The following PDLIM2 variants were observed in gnomAD, a reference collection of about 807,000 sequenced individuals.
PDLIM2 encodes PDZ and LIM domain protein 2.
Under a neutral mutation model 54.1 loss-of-function variants are expected in PDLIM2, and 51 were observed. That is an observed-to-expected ratio of 0.94 (90% CI 0.75 to 1.19). PDLIM2 has a LOEUF of 1.19. Among genes scored for constraint, PDLIM2 ranks in the 50% most tolerant of loss-of-function variants. The probability of loss-of-function intolerance (pLI) is 0.00; values close to 1 mark genes in which losing one functional copy is unlikely to be tolerated. For synonymous variants in PDLIM2, 398 were observed against 385.6 expected (o/e 1.03, Z -0.38); for missense variants, 912 against 874.0 (o/e 1.04, Z -0.55).
chr8:22,593,408 T>A (rs1800607294), intron 9 of PDLIM2: 2 of 267,394 alleles, frequency 7.5e-6, no homozygotes, highest in Admixed American at 9.9e-5. Flanking sequence ...AAAACCCGTC[T>A]CTACTAAAAA....
chr8:22,593,608 A>G, intron 9 of PDLIM2, 125 bp from the exon 9 acceptor site: 1 of 535,210 alleles, frequency 1.9e-6, no homozygotes, highest in Non-Finnish European at 3.1e-6. Context: ...AAAAAAGTCT[A>G]GTCTCTGAGA....
intron 8 of PDLIM2, chr8:22,590,955 A>T (rs1258896089): frequency 6.3e-6 from 1 of 157,612 alleles, no homozygotes; most frequent in East Asian, 1.9e-4. Flanking sequence ...GCTGATGTTT[A>T]GCTCCAAGGG....
At chr8:22,589,996 C>T (rs1800496766) in intron 8 of PDLIM2, 5 of 507,570 alleles carry the variant, frequency 9.9e-6, no homozygotes, top group South Asian at 5.1e-5. Context: ...AAGTGTCATT[C>T]GAGTGATAAA....
intron 6 of PDLIM2, among the ~76,000 whole-genome samples, chr8:22,586,623 T>A (rs1213162498): frequency 6.6e-6 from 1 of 152,054 alleles, no homozygotes; most frequent in East Asian, 1.9e-4. Flanking sequence ...GAACCTTTGT[T>A]CTGAGATGAG....
At chr8:22,594,076 C>T in exon 10 of PDLIM2, 4 of 1,434,580 alleles carry the variant, frequency 2.8e-6, no homozygotes, top group Non-Finnish European at 3.6e-6. Context: ...CTGTCTTGGA[C>T]TGTGGGAGAC....
Position 22,588,991 on chromosome 8 carries a change from G to T in PDLIM2, c.1291-307G>T, listed in dbSNP as rs555680233. 23 of 534,804 alleles carry T rather than the reference G, an allele frequency of 4.3e-5. No homozygotes were observed. The South Asian group carries it at 4.6e-4, about 11-fold the overall frequency. The allele number at this position is 534,804 out of a possible 1,614,324, so 33.1% of individuals were successfully genotyped here. A position where few individuals can be genotyped will look rare whatever the true frequency, so the allele number is the denominator to read the frequency against. On this transcript the variant is annotated intron_variant, in intron 6 of 9. Coordinates refer to ENST00000308354, the Ensembl canonical transcript of PDLIM2. ...AATAGCGTGCGTGACAGAGGACTCT[G>T]TGCTTAGCTGTCACCTGCTGCCTTC...
At chr8:22,579,669 C>T in intron 1 of PDLIM2, 2 of 1,039,880 alleles carry the variant, frequency 1.9e-6, no homozygotes, top group Non-Finnish European at 2.6e-6. Context: ...GATAGATTCT[C>T]GCAGCACTTG....
exon 8 of PDLIM2, chr8:22,589,627 G>T: frequency 1.9e-6 from 3 of 1,599,442 alleles, no homozygotes; most frequent in Non-Finnish European, 2.6e-6. Context: ...CCTCCTCCTG[G>T]ACGAGGACTC....
chr8:22,585,250 G>C lies in PDLIM2; in HGVS notation c.1212-71G>C, dbSNP rs1199539569. On this transcript the variant is annotated intron_variant, in intron 5 of 9. Coordinates refer to ENST00000308354, the Ensembl canonical transcript of PDLIM2. Reference sequence around the variant, plus strand: ...TGAGTCTCAGGAGCTCTGCTTGGGAGCCCGGGGCAGCATCCTCCCTGGGCA... The same window carrying C: ...TGAGTCTCAGGAGCTCTGCTTGGGACCCCGGGGCAGCATCCTCCCTGGGCA... The C allele has an allele frequency of 4.4e-6, 7 of 1,601,156 alleles. No individual in the cohort carries two copies. In the African/African-American group the frequency reaches 6.7e-5, roughly 15 times the overall value.
intron 2 of PDLIM2, 110 bp downstream of exon 1, chr8:22,580,807 C>A: frequency 8.5e-7 from 1 of 1,174,820 alleles, no homozygotes. Context: ...AGCTAGGGAT[C>A]TGCTGCTGCC....
At chr8:22,589,436 G>T in intron 7 of PDLIM2, 62 bp downstream of exon 6, 1 of 1,530,084 alleles carries the variant, frequency 6.5e-7, no homozygotes. Flanking sequence ...GCAGGAGGGA[G>T]ACGGGCTTCC....
downstream of PDLIM2, chr8:22,594,756 T>G: frequency 1.4e-6 from 2 of 1,460,408 alleles, no homozygotes; most frequent in South Asian, 1.4e-5. Context: ...ACTGCTGGCT[T>G]CATTGGTGAT....
chr8:22,584,681 A>T (rs1800319496), intron 3 of PDLIM2, 140 bp from the exon 3 acceptor site: 3 of 705,464 alleles, frequency 4.3e-6, no homozygotes, highest in South Asian at 1.8e-5. Context: ...TGACAAAGTT[A>T]AAAGTTGACA....
intron 9 of PDLIM2, 89 bp from the exon 9 acceptor site, chr8:22,593,644 G>C: frequency 8.9e-7 from 1 of 1,124,312 alleles, no homozygotes; most frequent in South Asian, 1.5e-5. Flanking sequence ...CCCAGGTCCT[G>C]ATGCTACAGT....
chr8:22,589,185 G>A (rs1163429329), intron 6 of PDLIM2, 113 bp from the exon 6 acceptor site: 5 of 1,103,364 alleles, frequency 4.5e-6, no homozygotes, highest in Non-Finnish European at 6.6e-6. Context: ...GCTGGTCGGC[G>A]AGGGCCGGGG....
intron 3 of PDLIM2, 131 bp from the exon 3 acceptor site, chr8:22,584,690 C>T: frequency 1.3e-6 from 1 of 762,368 alleles, no homozygotes; most frequent in Non-Finnish European, 2.2e-6. Context: ...TAAAAGTTGA[C>T]AACCGGATGT....
chr8:22,593,681 G>A, intron 9 of PDLIM2, 52 bp from the exon 9 acceptor site: 1 of 1,504,358 alleles, frequency 6.6e-7, no homozygotes, highest in Non-Finnish European at 9.0e-7. Flanking sequence ...GGGCATGGTG[G>A]CCTCCTGCTT....
Position 22,589,582 on chromosome 8 carries a change from C to T in PDLIM2, c.1368-14C>T. On this transcript the variant is annotated splice_polypyrimidine_tract_variant and intron_variant, in intron 7 of 9. Coordinates refer to ENST00000308354, the Ensembl canonical transcript of PDLIM2. Reference sequence around the variant, plus strand: ...GCACGGGACCCTCATTCCTGGCTGCCTCCCACCCTGCAGCATGGACTCGGA... The same window carrying T: ...GCACGGGACCCTCATTCCTGGCTGCTTCCCACCCTGCAGCATGGACTCGGA... 1 of 1,599,838 alleles carries T rather than the reference C, an allele frequency of 6.3e-7. No homozygotes were observed. Among genetic ancestry groups the T allele is most frequent in the Non-Finnish European group, 8.5e-7 (1 of 1,173,782 alleles).
intron 6 of PDLIM2, 99 bp downstream of exon 5, chr8:22,585,498 G>A: frequency 8.5e-7 from 1 of 1,180,842 alleles, no homozygotes; most frequent in Non-Finnish European, 1.2e-6. Context: ...AGGCCCACCT[G>A]GGCAGCCATG....
Sources: gnomAD v4.1 joint callset for allele counts (sites outside exome capture counted in the v4.1 genomes callset) on GRCh38, gnomAD v4.1.1 for gene constraint, MANE v1.5 for transcripts, NCBI Gene and HGNC (gene_info 2026-07-23, HGNC 2026-07-21) for gene names.